The following SMYD2 variants were observed in gnomAD, a reference collection of about 807,000 sequenced individuals.
The protein encoded by SMYD2 is N-lysine methyltransferase SMYD2.
A neutral mutation model predicts 59.1 loss-of-function variants in SMYD2; 53 were observed. The observed-to-expected ratio is 0.90, with a 90% CI of 0.72 to 1.13. The LOEUF is 1.13. Ranked by LOEUF, SMYD2 falls within the 50% of genes most tolerant of loss-of-function variation. The probability of loss-of-function intolerance (pLI) is 0.00; values close to 1 mark genes in which losing one functional copy is unlikely to be tolerated. For synonymous variants in SMYD2, 208 were observed against 198.8 expected, an observed-to-expected ratio of 1.05 and a Z score of -0.39; for missense variants, 494 against 544.7, an observed-to-expected ratio of 0.91 and a Z score of 0.93.
At chr1:214,284,050 A>G (rs1357570266) in intron 1 of SMYD2, among the ~76,000 whole-genome samples, 1 of 152,136 alleles carries the variant, frequency 6.6e-6, no homozygotes, top group Non-Finnish European at 1.5e-5. Flanking sequence ...TTTAATTTGT[A>G]TCACATTTCT....
intron 1 of SMYD2, among the ~76,000 whole-genome samples, chr1:214,293,138 C>T (rs945828300): frequency 2.0e-5 from 3 of 151,920 alleles, no homozygotes; most frequent in Admixed American, 6.6e-5. Context: ...TTGCAACCTC[C>T]GCCTCCCAGG....
intron 1 of SMYD2, among the ~76,000 whole-genome samples, chr1:214,303,826 A>G (rs1656865778): frequency 6.6e-6 from 1 of 152,240 alleles, no homozygotes; most frequent in African/African-American, 2.4e-5. Context: ...GCTGGGCTGC[A>G]GAGGAGGGGG....
intron 5 of SMYD2, among the ~76,000 whole-genome samples, chr1:214,324,117 A>T (rs1418586935): frequency 6.6e-6 from 1 of 151,848 alleles, no homozygotes; most frequent in Non-Finnish European, 1.5e-5. Context: ...ATTTTTTTTT[A>T]GTAGAGATGG....
intron 11 of SMYD2, among the ~76,000 whole-genome samples, chr1:214,335,496 C>T (rs1041083385): frequency 3.3e-5 from 5 of 152,302 alleles, no homozygotes; most frequent in African/African-American, 1.2e-4. Context: ...CCTGCCTCCT[C>T]TTGGCTTGAG....
intron 7 of SMYD2, among the ~76,000 whole-genome samples, chr1:214,329,395 G>C (rs1657314430): frequency 6.6e-6 from 1 of 152,166 alleles, no homozygotes; most frequent in Non-Finnish European, 1.5e-5. Context: ...ACATTTGCCT[G>C]ATTGTGTGGG....
chr1:214,299,668 G>T (rs375442145), intron 1 of SMYD2, among the ~76,000 whole-genome samples: 1 of 151,980 alleles, frequency 6.6e-6, no homozygotes, highest in African/African-American at 2.4e-5. Context: ...GTGCAGTGGC[G>T]CTGTCCTGGC....
intron 1 of SMYD2, among the ~76,000 whole-genome samples, chr1:214,297,857 G>A (rs1656759176): frequency 6.6e-6 from 1 of 152,032 alleles, no homozygotes; most frequent in Admixed American, 6.5e-5. Flanking sequence ...GCTGGCCCAA[G>A]AAGACCTATG....
intron 5 of SMYD2, among the ~76,000 whole-genome samples, chr1:214,321,093 A>G (rs1558055696): frequency 2.6e-5 from 4 of 152,202 alleles, no homozygotes. Context: ...GGACTTCTCA[A>G]TGTTGATGCC....
Position 214,330,950 on chromosome 1 carries a change from G to C in SMYD2, c.817G>C (p.Asp273His). Residue 273 changes from aspartate to histidine, a missense_variant and splice_region_variant, in exon 9 of 12, where the codon GAT (aspartate) becomes CAT (histidine). Transcript: ENST00000366957. ...ECQECTTKDK[D>H]KAKVEIRKLS... ...TTGCCCTTGTGGACGTTTCCTTCAG[G>C]ATAAGGCCAAGGTGGAAATCCGGAA... The C allele has an allele frequency of 6.2e-7, 1 of 1,614,090 alleles. No individual in the cohort carries two copies. The highest frequency in any genetic ancestry group is 8.5e-7 in the Non-Finnish European group (1 of 1,180,018).
chr1:214,323,941 T>C (rs962355598), intron 5 of SMYD2, among the ~76,000 whole-genome samples: 15 of 152,250 alleles, frequency 9.9e-5, no homozygotes, highest in Admixed American at 6.5e-5. Context: ...GATTCCTTTT[T>C]TTTGAGACAG....
At chr1:214,301,375 A>G (rs1004666913) in intron 1 of SMYD2, among the ~76,000 whole-genome samples, 5 of 152,168 alleles carry the variant, frequency 3.3e-5, no homozygotes, top group African/African-American at 9.7e-5. Context: ...TTATGTACTC[A>G]ATGACATAAA....
rs768344398 is a variant in SMYD2 at position 214,330,248 on chromosome 1, T to G, written c.786T>G (p.Cys262Trp). 1 of 1,613,428 alleles carries G rather than the reference T, an allele frequency of 6.2e-7. No individual in the cohort carries two copies. The highest frequency in any genetic ancestry group is 8.5e-7 in the Non-Finnish European group (1 of 1,179,540). ...TAAGAGATTCTTATTTCTTTACCTGTGAGTGCCAGGAGTGTACCACCAAGG... is the reference window on the plus strand; with the variant it reads ...TAAGAGATTCTTATTTCTTTACCTGGGAGTGCCAGGAGTGTACCACCAAGG... ...DRLRDSYFFT[C>W]ECQECTTKDK... Residue 262 changes from cysteine to tryptophan, a missense_variant, in exon 8 of 12, where the codon TGT becomes TGG. By Grantham distance (215) the Cys-to-Trp change is radical (BLOSUM62 -2). Transcript: ENST00000366957.
chr1:214,290,037 A>C (rs1394071412), intron 1 of SMYD2, among the ~76,000 whole-genome samples: 1 of 152,222 alleles, frequency 6.6e-6, no homozygotes, highest in Admixed American at 6.5e-5. Flanking sequence ...AGCTCTAACC[A>C]GTCACAAAGC....
intron 1 of SMYD2, among the ~76,000 whole-genome samples, chr1:214,286,703 G>A (rs1202002411): frequency 1.4e-5 from 2 of 140,260 alleles, no homozygotes; most frequent in Admixed American, 1.5e-4. Context: ...AGGAGGCAGA[G>A]GTTGCAGTGA....
intron 11 of SMYD2, 114 bp downstream of exon 11, chr1:214,334,422 AC>A: frequency 3.1e-6 from 3 of 954,722 alleles, no homozygotes; most frequent in Non-Finnish European, 4.9e-6. Context: ...AGCAGCTCTC[AC>A]CCACCCTCTT....
chr1:214,300,088 T>C (rs1356600798), intron 1 of SMYD2, among the ~76,000 whole-genome samples: 2 of 152,206 alleles, frequency 1.3e-5, no homozygotes, highest in Non-Finnish European at 2.9e-5. Context: ...CTTAGCATCA[T>C]GCAAAATCCC....
Position 214,334,308 on chromosome 1 carries a change from G to C in SMYD2, c.1221G>C (p.Lys407Asn), listed in dbSNP as rs780319511. ...CCGCAGGGGAGAAAGCCCTGAAGAAGGTATGTCTGTAACTCGGCCTTAGGA... is the reference window on the plus strand; with the variant it reads ...CCGCAGGGGAGAAAGCCCTGAAGAACGTATGTCTGTAACTCGGCCTTAGGA... ...HKAAGEKALK[K>N]AIAIMEVAHG... The change falls in exon 11 of 12, where the codon AAG becomes AAC. Residue 407 changes from lysine (K) to asparagine (N), a missense_variant and splice_region_variant. Transcript: ENST00000366957. 3.1e-6 allele frequency: 5 copies of C among 1,613,088 alleles called. No homozygotes were observed. In the South Asian group the frequency reaches 5.5e-5, roughly 18 times the overall value.
At chr1:214,303,791 G>A (rs1558051562) in intron 1 of SMYD2, among the ~76,000 whole-genome samples, 2 of 152,162 alleles carry the variant, frequency 1.3e-5, no homozygotes, top group African/African-American at 2.4e-5. Flanking sequence ...CCCCCACCGC[G>A]CACGCCCCCG....
intron 1 of SMYD2, among the ~76,000 whole-genome samples, chr1:214,281,722 A>T (rs912384742): frequency 2.6e-5 from 4 of 152,332 alleles, no homozygotes; most frequent in African/African-American, 9.6e-5. Flanking sequence ...TCCTGCCCTC[A>T]AATGTGGGCT....
Sources: allele counts gnomAD v4.1 joint callset (sites outside exome capture counted in the v4.1 genomes callset), GRCh38; gene constraint gnomAD v4.1.1; transcripts MANE v1.5; gene names NCBI Gene and HGNC (gene_info 2026-07-23, HGNC 2026-07-21).